The following TRIQK variants were observed in gnomAD, a reference collection of about 807,000 sequenced individuals.
The protein encoded by TRIQK is triple QxxK/R motif-containing protein.
Under a neutral mutation model 10.8 loss-of-function variants are expected in TRIQK, and 10 were observed. That is an observed-to-expected ratio of 0.92 (90% CI 0.57 to 1.57). The LOEUF (loss-of-function observed/expected upper bound fraction) is 1.57, where lower values mean the gene tolerates loss of function less well. Among genes scored for constraint, TRIQK ranks in the 40% most tolerant of loss-of-function variants. The probability of loss-of-function intolerance (pLI) is 0.00; values close to 1 mark genes in which losing one functional copy is unlikely to be tolerated. For synonymous variants in TRIQK, 33 were observed against 33.7 expected (o/e 0.98, Z 0.07); for missense variants, 107 against 97.7 (o/e 1.09, Z -0.40).
chr8:92,887,262 G>A (rs546744693), intron 4 of TRIQK, among the ~76,000 whole-genome samples: 1 of 150,926 alleles, frequency 6.6e-6, no homozygotes, highest in Non-Finnish European at 1.5e-5. Context: ...ATGTGACTTT[G>A]TTGAAACTCT....
chr8:92,903,152 A>T (rs967760719), intron 3 of TRIQK, among the ~76,000 whole-genome samples: 4 of 151,922 alleles, frequency 2.6e-5, no homozygotes, highest in Admixed American at 2.0e-4. Context: ...TATGTTTAAA[A>T]TTTTAACATT....
At chr8:92,981,551 T>C (rs1029755293) in intron 1 of TRIQK, among the ~76,000 whole-genome samples, 1 of 151,878 alleles carries the variant, frequency 6.6e-6, no homozygotes, top group East Asian at 1.9e-4. Context: ...CTATGTTGAT[T>C]GGTACATAAA....
At chr8:92,973,152 G>A (rs910074326) in intron 1 of TRIQK, 4 of 152,144 alleles carry the variant, frequency 2.6e-5, no homozygotes, top group African/African-American at 9.7e-5. Flanking sequence ...TAGAATGTGT[G>A]CATATCAAGA....
At chr8:92,963,126 T>C (rs981577407) in intron 1 of TRIQK, among the ~76,000 whole-genome samples, 1 of 152,142 alleles carries the variant, frequency 6.6e-6, no homozygotes, top group African/African-American at 2.4e-5. Context: ...CTACCAGAAA[T>C]GAACAGAGTT....
At chr8:92,886,829 G>C (rs952832278) in intron 4 of TRIQK, 94 bp from the exon 5 acceptor site, 81 of 699,006 alleles carry the variant, frequency 1.2e-4, no homozygotes, top group Admixed American at 8.3e-4. Context: ...TTGTTCCACA[G>C]TCTAGAATGA....
chr8:92,920,337 A>G (rs1244345048), intron 2 of TRIQK, among the ~76,000 whole-genome samples: 2 of 151,620 alleles, frequency 1.3e-5, no homozygotes, highest in African/African-American at 2.4e-5. Flanking sequence ...CATTCCTTCT[A>G]GTAAGGCATT....
In TRIQK at chr8:92,884,802, G is replaced by C. The variant is rs563500994; in HGVS notation, c.*1820C>G. 6.6e-6 allele frequency: 3 copies of C among 454,636 alleles called. No individual in the cohort carries two copies. The highest frequency in any genetic ancestry group is 4.7e-5 in the South Asian group (3 of 64,448). 28.2% of individuals were successfully genotyped at this position (454,636 alleles called of 1,614,324 possible). A position where few individuals can be genotyped will look rare whatever the true frequency, so the allele number is the denominator to read the frequency against. The stretch of plus-strand genomic sequence containing the variant: ...CGACTGTTTTAACACCATATGGAAC[G>C]GGAAATAACTAAATGAAAATTGTTC... On this transcript the variant is annotated 3_prime_UTR_variant, in exon 5 of 5. Coordinates refer to ENST00000521988, the MANE Select transcript of TRIQK (RefSeq NM_001171797.2).
intron 2 of TRIQK, among the ~76,000 whole-genome samples, chr8:92,951,910 C>G (rs904071885): frequency 6.6e-6 from 1 of 152,042 alleles, no homozygotes; most frequent in Non-Finnish European, 1.5e-5. Context: ...AGTTCACAGT[C>G]CAAAAGCCAA....
chr8:92,999,434 A>C (rs186737798), intron 1 of TRIQK, among the ~76,000 whole-genome samples: 1 of 152,306 alleles, frequency 6.6e-6, no homozygotes, highest in Admixed American at 6.5e-5. Flanking sequence ...CTAAGTTTTT[A>C]ATCCATTTTA....
chr8:92,970,121 T>C, upstream of TRIQK, among the ~76,000 whole-genome samples: 1 of 152,192 alleles, frequency 6.6e-6, no homozygotes, highest in East Asian at 1.9e-4. Flanking sequence ...AAGGACATGA[T>C]CTCATTCCTT....
chr8:92,894,360 T>G (rs1816909005), intron 3 of TRIQK, among the ~76,000 whole-genome samples: 1 of 152,086 alleles, frequency 6.6e-6, no homozygotes, highest in African/African-American at 2.4e-5. Context: ...ATTTAAATAT[T>G]TATGGCTTCA....
chr8:92,972,635 A>G (rs1812886995), intron 1 of TRIQK: 2 of 152,334 alleles, frequency 1.3e-5, no homozygotes, highest in Non-Finnish European at 2.9e-5. Context: ...TAACAACACT[A>G]TCTTTCACAC....
chr8:92,981,588 A>T (rs543964111), intron 1 of TRIQK, among the ~76,000 whole-genome samples: 4 of 151,790 alleles, frequency 2.6e-5, no homozygotes, highest in Non-Finnish European at 5.9e-5. Flanking sequence ...ATACTGTTAA[A>T]ATTCCTATGT....
At position 92,885,386 on chromosome 8, in the gene TRIQK, A is replaced by G. The variant is rs1219231308; in HGVS notation, c.*1236T>C. ...TTTATTCTTCATAAATACAATGTAT[A>G]TAATATAAAACACTTTGTGCACATG... On this transcript the variant is annotated 3_prime_UTR_variant, in exon 5 of 5. Transcript: ENST00000521988. 2 of 180,040 alleles carry G rather than the reference A, an allele frequency of 1.1e-5. No individual in the cohort carries two copies. Among genetic ancestry groups the G allele is most frequent in the African/African-American group, 4.8e-5 (2 of 42,034 alleles). 11.2% of individuals were successfully genotyped at this position (180,040 alleles called of 1,614,324 possible).
chr8:93,016,514 A>T (rs1053360672), intron 1 of TRIQK, among the ~76,000 whole-genome samples: 4 of 152,216 alleles, frequency 2.6e-5, no homozygotes, highest in Non-Finnish European at 5.9e-5. Flanking sequence ...TTAAGATTTA[A>T]TGCAAAAAAT....
At chr8:92,958,129 G>C (rs1324252494) in intron 1 of TRIQK, among the ~76,000 whole-genome samples, 2 of 151,844 alleles carry the variant, frequency 1.3e-5, no homozygotes, top group Non-Finnish European at 2.9e-5. Flanking sequence ...TTGCCAGCAG[G>C]TTCATACTGC....
intron 2 of TRIQK, among the ~76,000 whole-genome samples, chr8:92,926,869 A>T (rs1329887996): frequency 1.3e-5 from 2 of 152,096 alleles, no homozygotes; most frequent in Non-Finnish European, 2.9e-5. Flanking sequence ...AATGCTGTGG[A>T]GGAATGGAAA....
chr8:93,010,920 AAAG>A (rs1243074588), intron 1 of TRIQK, among the ~76,000 whole-genome samples: 7 of 152,142 alleles, frequency 4.6e-5, no homozygotes, highest in Admixed American at 4.6e-4. Context: ...ATGCTATTTG[AAAG>A]AAGAATTTAA....
rs1220370142 is a variant in TRIQK at position 92,997,414 on chromosome 8, C to A, written c.-181+20195G>T. 2.6e-5 allele frequency among the ~76,000 whole-genome samples: 4 copies of A among 151,942 alleles called. No individual in the cohort carries two copies. In the East Asian group the frequency reaches 7.7e-4, roughly 29 times the overall value. On this transcript the variant is annotated intron_variant, in intron 1 of 4. Transcript: ENST00000520686. ...CCTCAGAAGGCTAAAGGATTTAGGA[C>A]GTTAGGTTACAAAGTACTTTGAGAT...
Sources: allele counts gnomAD v4.1 joint callset (sites outside exome capture counted in the v4.1 genomes callset), GRCh38; gene constraint gnomAD v4.1.1; transcripts MANE v1.5; gene names NCBI Gene and HGNC (gene_info 2026-07-23, HGNC 2026-07-21).